The following PCDHA7 variants were observed in gnomAD, a reference collection of about 807,000 sequenced individuals.
The protein encoded by PCDHA7 is protocadherin alpha-7.
A neutral mutation model predicts 57.2 loss-of-function variants in PCDHA7; 37 were observed. The ratio of observed to expected loss-of-function variants is 0.65; its 90% CI spans 0.50 to 0.85. The LOEUF is 0.85. Among genes scored for constraint, PCDHA7 ranks in the 40% least tolerant of loss-of-function variants. PCDHA7 has a pLI of 0.00. For synonymous variants in PCDHA7, 553 were observed against 558.8 expected, an observed-to-expected ratio of 0.99 and a Z score of 0.15; for missense variants, 1,188 against 1,241.8, an observed-to-expected ratio of 0.96 and a Z score of 0.65.
Position 140,885,215 on chromosome 5 carries a change from A to T in PCDHA7, c.2355+48477A>T, listed in dbSNP as rs564445744. Among the ~76,000 whole-genome samples the T allele has an allele frequency of 2.8e-3, 423 of 152,102 alleles. 2 individuals carry two copies. The highest frequency in any genetic ancestry group is 0.014 in the Middle Eastern group (4 of 294). On this transcript the variant is annotated intron_variant, in intron 1 of 3. Transcript: ENST00000525929. ...CCCTCTCATATATCCCATGAAAAAT[A>T]TCTTGTGATTCTGCTTTCAATTTTT... is the stretch of plus-strand genomic sequence containing the variant.
At chr5:140,848,364 G>T in intron 1 of PCDHA7, 1 of 1,077,714 alleles carries the variant, frequency 9.3e-7, no homozygotes, top group South Asian at 1.6e-5. Flanking sequence ...CCATGGGAAA[G>T]AGGCTCAATT....
Position 141,009,608 on chromosome 5 carries a change from G to A in PCDHA7, c.2504-19G>A, listed in dbSNP as rs1350951999. ...CATGTGTTGACCCTGTTAATGATTTGTAATGTTTTGTCTTTCAGAACCAGA... is the reference window on the plus strand; with the variant it reads ...CATGTGTTGACCCTGTTAATGATTTATAATGTTTTGTCTTTCAGAACCAGA... On this transcript the variant is annotated intron_variant, in intron 3 of 3. Coordinates refer to ENST00000525929, the MANE Select transcript of PCDHA7 (RefSeq NM_018910.3). The A allele has an allele frequency of 2.5e-6, 4 of 1,610,656 alleles. No individual in the cohort carries two copies. The highest frequency in any genetic ancestry group is 3.4e-6 in the Non-Finnish European group (4 of 1,177,936).
At chr5:140,990,512 CTT>C (rs1323641272) in intron 3 of PCDHA7, among the ~76,000 whole-genome samples, 1 of 152,202 alleles carries the variant, frequency 6.6e-6, no homozygotes, top group African/African-American at 2.4e-5. Context: ...AGTCTTCTCT[CTT>C]GTCTTTTTTG....
At position 140,841,172 on chromosome 5, in the gene PCDHA7, G is replaced by A. The variant is rs1479528874; in HGVS notation, c.2355+4434G>A. 5 of 1,035,814 alleles carry A rather than the reference G, an allele frequency of 4.8e-6. No homozygotes were observed. The African/African-American group carries it at 6.5e-5, about 13-fold the overall frequency. The allele number at this position is 1,035,814 out of a possible 1,614,324, so 64.2% of individuals were successfully genotyped here. A position where few individuals can be genotyped will look rare whatever the true frequency, so the allele number is the denominator to read the frequency against. On this transcript the variant is annotated intron_variant, in intron 1 of 3. Coordinates refer to ENST00000525929, the MANE Select transcript of PCDHA7 (RefSeq NM_018910.3). ...GCTGTCTACCAAGAAGTTCTGGTTG[G>A]TCAATGTTCAAAGTCTTTTCTCTGA...
intron 1 of PCDHA7, among the ~76,000 whole-genome samples, chr5:140,948,620 T>TTAA (rs1422284059): frequency 6.6e-6 from 1 of 151,716 alleles, no homozygotes; most frequent in African/African-American, 2.4e-5. Context: ...CACAAAGTTG[T>TTAA]TAATAATATT....
At chr5:140,837,512 T>G (rs1554136488) in intron 1 of PCDHA7, among the ~76,000 whole-genome samples, 2 of 96,740 alleles carry the variant, frequency 2.1e-5, no homozygotes, top group African/African-American at 1.1e-4. Context: ...TCTGAAGCAG[T>G]TTACTTTTTT....
intron 1 of PCDHA7, among the ~76,000 whole-genome samples, chr5:140,937,317 G>A (rs1282380622): frequency 1.3e-5 from 2 of 152,048 alleles, no homozygotes; most frequent in Non-Finnish European, 2.9e-5. Context: ...GATTACAGGC[G>A]TGAGCCACCG....
At chr5:140,988,489 C>G (rs1197670303) in intron 3 of PCDHA7, among the ~76,000 whole-genome samples, 4 of 152,134 alleles carry the variant, frequency 2.6e-5, no homozygotes, top group Non-Finnish European at 5.9e-5. Flanking sequence ...CATCCCCTAC[C>G]TAGGAGAAGC....
chr5:140,895,257 T>A (rs1180344268), intron 1 of PCDHA7, among the ~76,000 whole-genome samples: 8 of 152,212 alleles, frequency 5.3e-5, no homozygotes, highest in Non-Finnish European at 8.8e-5. Context: ...AGCTTTCTTT[T>A]TTTTCTTACT....
At chr5:140,881,358 T>A in intron 1 of PCDHA7, 1 of 985,286 alleles carries the variant, frequency 1.0e-6, no homozygotes, top group Non-Finnish European at 1.2e-6. Flanking sequence ...AATGCGTGGC[T>A]TTCGTATGAA....
chr5:140,987,122 G>A (rs1054053197), intron 3 of PCDHA7, among the ~76,000 whole-genome samples: 2 of 151,858 alleles, frequency 1.3e-5, no homozygotes, highest in African/African-American at 4.8e-5. Context: ...GCTGAGGCAG[G>A]AGAATTGCTT....
rs782229036 is a variant in PCDHA7 at position 140,836,560 on chromosome 5, C to G, written c.2177C>G (p.Pro726Arg). ...TACACGGCGTTGCGGTGCTCAGCGC[C>G]GTCCTCTGAGGGCGCATGTAGTTTG... is the stretch of plus-strand genomic sequence containing the variant. The part of the protein sequence containing the change: ...LLYTALRCSA[P>R]SSEGACSLVK... The change falls in exon 1 of 4, where the codon CCG becomes CGG. Residue 726 changes from proline to arginine, a missense_variant. By Grantham distance (103) the Pro-to-Arg change is moderately radical (BLOSUM62 -2). This residue lies in a region of PCDHA7 where 892 missense variants were observed against 788.5 expected (regional missense o/e 1.13). Coordinates refer to ENST00000525929, the MANE Select transcript of PCDHA7 (RefSeq NM_018910.3). 6.2e-7 allele frequency: 1 copy of G among 1,613,738 alleles called. No individual in the cohort carries two copies. Among genetic ancestry groups the G allele is most frequent in the Non-Finnish European group, 8.5e-7 (1 of 1,179,830 alleles).
intron 1 of PCDHA7, chr5:140,857,678 C>G (rs1554150504): frequency 1.3e-6 from 2 of 1,597,010 alleles, no homozygotes; most frequent in African/African-American, 1.3e-5. Flanking sequence ...CGTGCCGCCT[C>G]TGGGCAGCAA....
intron 1 of PCDHA7, among the ~76,000 whole-genome samples, chr5:140,964,896 G>A (rs868917865): frequency 6.6e-6 from 1 of 152,170 alleles, no homozygotes. Context: ...TAGGAGGCTG[G>A]GCGCTTCTCT....
At chr5:140,958,290 T>C (rs1554223401) in intron 1 of PCDHA7, among the ~76,000 whole-genome samples, 1 of 152,154 alleles carries the variant, frequency 6.6e-6, no homozygotes, top group Non-Finnish European at 1.5e-5. Context: ...TTAAATATTA[T>C]TGAACTTAAT....
intron 1 of PCDHA7, among the ~76,000 whole-genome samples, chr5:140,905,575 G>A (rs1233481804): frequency 6.6e-6 from 1 of 152,138 alleles, no homozygotes; most frequent in Non-Finnish European, 1.5e-5. Flanking sequence ...TGTGAAGAAT[G>A]ATAATGATAT....
rs2150224433 is a variant in PCDHA7 at position 140,834,693 on chromosome 5, A to G, written c.310A>G (p.Ile104Val). 2.5e-6 allele frequency: 4 copies of G among 1,614,238 alleles called. No homozygotes were observed. In the Admixed American group the frequency reaches 6.7e-5, roughly 27 times the overall value. ...GTGCGGGCGGAGCGCGGAGTGCAGC[A>G]TCCACCTGGAGGTGATCGTGGAAAG... ...ELCGRSAECSIHLEVIVERPL... is the reference protein window; with the variant it reads ...ELCGRSAECSVHLEVIVERPL... The change falls in exon 1 of 4, where the codon ATC becomes GTC. Residue 104 changes from isoleucine to valine, a missense_variant. Coordinates refer to ENST00000525929, the MANE Select transcript of PCDHA7 (RefSeq NM_018910.3).
intron 1 of PCDHA7, chr5:140,927,419 G>T (rs781883331): frequency 1.9e-6 from 3 of 1,614,140 alleles, no homozygotes; most frequent in South Asian, 2.2e-5. Flanking sequence ...ATGGGATCGC[G>T]GGTTGACGGC....
chr5:140,885,122 T>A (rs191806335), intron 1 of PCDHA7, among the ~76,000 whole-genome samples: 1 of 152,332 alleles, frequency 6.6e-6, no homozygotes, highest in African/African-American at 2.4e-5. Context: ...AGTGCACTTT[T>A]CTTTCTTTCT....
Sources: gnomAD v4.1 joint callset for allele counts (sites outside exome capture counted in the v4.1 genomes callset) on GRCh38, gnomAD v4.1.1 for gene constraint, gnomAD v4.1.1 regional missense constraint, MANE v1.5 for transcripts, NCBI Gene and HGNC (gene_info 2026-07-23, HGNC 2026-07-21) for gene names.